The following TPCN2 variants were observed in gnomAD, a reference collection of about 807,000 sequenced individuals.
The protein encoded by TPCN2 is two pore channel protein 2.
Under a neutral mutation model 111.4 loss-of-function variants are expected in TPCN2, and 92 were observed. The observed-to-expected ratio is 0.83, with a 90% confidence interval of 0.70 to 0.98. The LOEUF (loss-of-function observed/expected upper bound fraction) is 0.98, where lower values mean the gene tolerates loss of function less well. Among genes scored for constraint, TPCN2 ranks in the 50% least tolerant of loss-of-function variants. The probability of loss-of-function intolerance (pLI) is 0.00; values close to 1 mark genes in which losing one functional copy is unlikely to be tolerated. For synonymous variants in TPCN2, 405 were observed against 414.5 expected (o/e 0.98, Z 0.28); for missense variants, 995 against 980.1 (o/e 1.02, Z -0.20).
intron 6 of TPCN2, among the ~76,000 whole-genome samples, chr11:69,063,656 G>C (rs1292394961): frequency 6.6e-6 from 1 of 152,082 alleles, no homozygotes; most frequent in East Asian, 1.9e-4. Context: ...GGGCCCCCAG[G>C]GTTTCATTTG....
At chr11:69,055,015 G>C in intron 3 of TPCN2, 160 bp from the exon 4 acceptor site, 1 of 903,498 alleles carries the variant, frequency 1.1e-6, no homozygotes, top group South Asian at 1.6e-5. Context: ...GTCAGCCCTC[G>C]GCAATGGAGC....
At chr11:69,082,246 A>G (rs1466224) in intron 18 of TPCN2, among the ~76,000 whole-genome samples, 152,090 of 152,352 alleles carry the variant, frequency 1, 75,916 homozygotes, top group Middle Eastern at 1. Context: ...CAGCCATACA[A>G]GCACAATCAT....
intron 1 of TPCN2, among the ~76,000 whole-genome samples, chr11:69,052,132 C>A (rs1861252443): frequency 6.6e-6 from 1 of 152,150 alleles, no homozygotes; most frequent in African/African-American, 2.4e-5. Flanking sequence ...CCACTGTTGG[C>A]CTGGGATGGC....
At chr11:69,075,635 A>C (rs1486064097) in intron 13 of TPCN2, among the ~76,000 whole-genome samples, 1 of 152,206 alleles carries the variant, frequency 6.6e-6, no homozygotes, top group Non-Finnish European at 1.5e-5. Context: ...TTGGAAGCAC[A>C]AAGAGGTCCT....
chr11:69,084,234 G>C (rs1856172715), intron 19 of TPCN2, among the ~76,000 whole-genome samples: 1 of 152,212 alleles, frequency 6.6e-6, no homozygotes, highest in Non-Finnish European at 1.5e-5. Flanking sequence ...TGGTGTGGCT[G>C]GTGGCCCTGC....
intron 17 of TPCN2, among the ~76,000 whole-genome samples, chr11:69,081,088 A>G (rs1021391108): frequency 6.6e-6 from 1 of 151,960 alleles, no homozygotes; most frequent in African/African-American, 2.4e-5. Context: ...TGGAACCTCC[A>G]TGCCCTCCCG....
intron 22 of TPCN2, among the ~76,000 whole-genome samples, 171 bp downstream of exon 22, chr11:69,086,101 C>A (rs1856262064): frequency 1.3e-5 from 2 of 152,232 alleles, no homozygotes; most frequent in Non-Finnish European, 2.9e-5. Context: ...GTCCCTGCCC[C>A]CTGCATAGCC....
rs2134645603 is a variant in TPCN2 at position 69,085,925 on chromosome 11, A to G, written c.1998A>G (p.Ser666=). The G allele has an allele frequency of 6.2e-7, 1 of 1,613,834 alleles. No homozygotes were observed. The highest frequency in any genetic ancestry group is 2.2e-5 in the East Asian group (1 of 44,856). Residue 666 remains serine, a synonymous_variant, in exon 22 of 25, where the codon TCA becomes TCG. Transcript: ENST00000294309. ...QVFLDAYRRY[S]GPWSKIYFVL... is the part of the protein sequence containing the mutation. Reference sequence around the variant, plus strand: ...TTCTGGATGCATATCGGCGCTACTCAGGCCCGTGAGTCCTCGTCTCCCTGA... The same window carrying G: ...TTCTGGATGCATATCGGCGCTACTCGGGCCCGTGAGTCCTCGTCTCCCTGA...
At chr11:69,071,886 G>A (rs771702365) in intron 10 of TPCN2, 37 bp from the exon 11 acceptor site, 2 of 1,589,668 alleles carry the variant, frequency 1.3e-6, no homozygotes, top group Admixed American at 1.7e-5. Context: ...AGCTGGGGGA[G>A]GGCTGATCCT....
intron 1 of TPCN2, among the ~76,000 whole-genome samples, chr11:69,051,785 C>T (rs1449115800): frequency 6.6e-6 from 1 of 152,284 alleles, no homozygotes; most frequent in Admixed American, 6.5e-5. Context: ...GGATGGTGCT[C>T]CTGGCAGAAG....
At chr11:69,066,962 G>A (rs536301347) in intron 7 of TPCN2, among the ~76,000 whole-genome samples, 10 of 152,326 alleles carry the variant, frequency 6.6e-5, no homozygotes, top group African/African-American at 9.6e-5. Flanking sequence ...TAGGGACTCC[G>A]GTGTGGATGC....
At chr11:69,082,201 GCA>G (rs1461288466) in intron 18 of TPCN2, among the ~76,000 whole-genome samples, 2 of 152,206 alleles carry the variant, frequency 1.3e-5, no homozygotes, top group East Asian at 1.9e-4. Context: ...ACCTTCATAC[GCA>G]CACACACGCG....
In TPCN2 at chr11:69,090,350, A is replaced by G. The variant is rs943914890; in HGVS notation, c.*2397A>G. On this transcript the variant is annotated 3_prime_UTR_variant, in exon 25 of 25. Transcript: ENST00000294309. ...TCTATTATTGGGTCAGTTTTCCTGCATGTCCCCAGCCTCCCATCACTGCCA... is the reference window on the plus strand; with the variant it reads ...TCTATTATTGGGTCAGTTTTCCTGCGTGTCCCCAGCCTCCCATCACTGCCA... 6.6e-6 allele frequency: 1 copy of G among 152,170 alleles called. No homozygotes were observed. The highest frequency in any genetic ancestry group is 2.4e-5 in the African/African-American group (1 of 41,384). 9.4% of individuals were successfully genotyped at this position (152,170 alleles called of 1,614,324 possible).
At position 69,067,587 on chromosome 11, in the gene TPCN2, A is replaced by G. The variant is rs1340056356; in HGVS notation, c.811A>G (p.Thr271Ala). 1 of 1,613,840 alleles carries G rather than the reference A, an allele frequency of 6.2e-7. No homozygotes were observed. The highest frequency in any genetic ancestry group is 1.1e-5 in the South Asian group (1 of 91,074). ...GACTTCCCTCCTGGTGCTGCTGACC[A>G]CGGCCAACAACCCCGATGGTGCGTG... is the stretch of plus-strand genomic sequence containing the variant. The part of the protein sequence containing the change: ...SLTSLLVLLT[T>A]ANNPDVMIPA... The change falls in exon 8 of 25, where the codon ACG becomes GCG. Residue 271 changes from threonine (T) to alanine (A), a missense_variant. Transcript: ENST00000294309.
At chr11:69,063,270 C>T (rs766460532) in intron 6 of TPCN2, among the ~76,000 whole-genome samples, 3 of 151,930 alleles carry the variant, frequency 2.0e-5, no homozygotes, top group East Asian at 2.0e-4. Context: ...GCACTCTCTC[C>T]GATGGGTCTC....
At chr11:69,087,264 G>A in intron 24 of TPCN2, 58 bp downstream of exon 24, 4 of 1,493,204 alleles carry the variant, frequency 2.7e-6, no homozygotes, top group Admixed American at 1.8e-5. Flanking sequence ...GCCAAGAGCT[G>A]GGGGGTGGAG....
At chr11:69,081,167 G>C (rs1452955099) in intron 17 of TPCN2, among the ~76,000 whole-genome samples, 1 of 152,072 alleles carries the variant, frequency 6.6e-6, no homozygotes, top group Non-Finnish European at 1.5e-5. Context: ...GAAGGTGTTG[G>C]GGGGATGGGG....
chr11:69,080,222 A>G (rs1855947391), intron 17 of TPCN2, among the ~76,000 whole-genome samples: 1 of 152,238 alleles, frequency 6.6e-6, no homozygotes, highest in Non-Finnish European at 1.5e-5. Context: ...CTCAGGTCTC[A>G]GGGGACCTGT....
Position 69,081,379 on chromosome 11 carries a change from G to A in TPCN2, c.1590-21G>A, listed in dbSNP as rs201563559. The A allele has an allele frequency of 6.3e-5, 96 of 1,523,508 alleles. 1 individual carries two copies. In the East Asian group the frequency reaches 1.9e-3, roughly 30 times the overall value. The allele number at this position is 1,523,508 out of a possible 1,614,324, so 94.4% of individuals were successfully genotyped here. The stretch of plus-strand genomic sequence containing the variant: ...GGGGCTCCTGGGCTCCTCCCAACCC[G>A]CCTCCCGTGTCTCTCCCCAGGAGGC... On this transcript the variant is annotated intron_variant, in intron 17 of 24. Coordinates refer to ENST00000294309, the MANE Select transcript of TPCN2 (RefSeq NM_139075.4).
Sources: allele counts gnomAD v4.1 joint callset (sites outside exome capture counted in the v4.1 genomes callset), GRCh38; gene constraint gnomAD v4.1.1; transcripts MANE v1.5; gene names NCBI Gene and HGNC (gene_info 2026-07-23, HGNC 2026-07-21).